FAM228A: variants seen among roughly 807,000 people sequenced by gnomAD.
FAM228A encodes the protein protein FAM228A.
FAM228A carries 13 observed loss-of-function variants against 18.6 expected under a neutral mutation model. The ratio of observed to expected loss-of-function variants is 0.70; its 90% CI spans 0.45 to 1.11. The LOEUF (loss-of-function observed/expected upper bound fraction) is 1.11, where lower values mean the gene tolerates loss of function less well. Among genes scored for constraint, FAM228A ranks in the 50% least tolerant of loss-of-function variants. The probability of loss-of-function intolerance (pLI) is 0.00; values close to 1 mark genes in which losing one functional copy is unlikely to be tolerated. For synonymous variants in FAM228A, 77 were observed against 86.6 expected (o/e 0.89, Z 0.61); for missense variants, 240 against 242.2 (o/e 0.99, Z 0.06).
At chr2:24,176,016 T>C (rs1182742905) in intron 2 of FAM228A, 1 of 993,952 alleles carries the variant, frequency 1.0e-6, no homozygotes, top group Non-Finnish European at 1.2e-6. Flanking sequence ...TTAATTTTTC[T>C]ATGTGTGTGC....
intron 5 of FAM228A, among the ~76,000 whole-genome samples, chr2:24,187,219 G>A (rs1667969999): frequency 6.6e-6 from 1 of 152,144 alleles, no homozygotes; most frequent in Non-Finnish European, 1.5e-5. Context: ...TCATAAATGT[G>A]CATCTGCTCA....
At position 24,175,563 on chromosome 2, in the gene FAM228A, C is replaced by G. The variant is rs747128968; in HGVS notation, c.83C>G (p.Ser28Cys). ...GAATGGCCGGAGCCCGAGTCCGTTT[C>G]TTTAATGGAGGTGAGATAACGTGGC... is the stretch of plus-strand genomic sequence containing the variant. ...LREWPEPESVSLMEVLAREDI... is the reference protein window; with the variant it reads ...LREWPEPESVCLMEVLAREDI... Residue 28 changes from serine (S) to cysteine (C), a missense_variant, in exon 2 of 6, where the codon TCT (serine) becomes TGT (cysteine). Coordinates refer to ENST00000295150, the MANE Select transcript of FAM228A (RefSeq NM_001040710.3). 186 of 1,613,280 alleles carry G rather than the reference C, an allele frequency of 1.2e-4. No individual in the cohort carries two copies. The highest frequency in any genetic ancestry group is 1.5e-4 in the Non-Finnish European group (181 of 1,179,286).
rs201517653 is a variant in FAM228A, at chr2:24,190,377, T to C, written c.402-35T>C. On this transcript the variant is annotated intron_variant, in intron 5 of 5. Coordinates refer to ENST00000295150, the MANE Select transcript of FAM228A (RefSeq NM_001040710.3). Reference sequence around the variant, plus strand: ...TTTGATGGTACAATTCCATCTGTGCTGAATCGAGACAATTTTTTCTGCTTT... The same window carrying C: ...TTTGATGGTACAATTCCATCTGTGCCGAATCGAGACAATTTTTTCTGCTTT... 143 of 1,564,244 alleles carry C rather than the reference T, an allele frequency of 9.1e-5. 2 individuals carry two copies. In the East Asian group the frequency reaches 3.2e-3, roughly 34 times the overall value.
chr2:24,188,677 C>A (rs1173888527), intron 5 of FAM228A: 2 of 984,038 alleles, frequency 2.0e-6, no homozygotes, highest in African/African-American at 3.5e-5. Flanking sequence ...AATGCTCCCA[C>A]AGAGGAAGGT....
At chr2:24,188,462 G>T (rs1007283003) in intron 5 of FAM228A, 14 of 985,216 alleles carry the variant, frequency 1.4e-5, no homozygotes, top group Admixed American at 6.2e-5. Context: ...TGTACTCGGG[G>T]CCTGGAGAGT....
Position 24,183,599 on chromosome 2 carries a change from T to TG in FAM228A, c.357dup (p.His120AlafsTer2). 1.2e-6 allele frequency: 2 copies of TG among 1,613,860 alleles called. No homozygotes were observed. The highest frequency in any genetic ancestry group is 1.7e-6 in the Non-Finnish European group (2 of 1,179,844). The stretch of plus-strand genomic sequence containing the variant: ...TTCACACTGTGTGATTCCAAAAGAG[T>TG]GGCATAAAGCCTCTGCAAGAGCCAG... On this transcript the variant is annotated frameshift_variant, in exon 5 of 6. Coordinates refer to ENST00000295150, the MANE Select transcript of FAM228A (RefSeq NM_001040710.3). LOFTEE classifies it low-confidence loss of function (END_TRUNC).
rs80253044 is a variant in FAM228A at position 24,178,129 on chromosome 2, C to T, written c.162+259C>T. Among the ~76,000 whole-genome samples the T allele has an allele frequency of 6.0e-3, 915 of 152,308 alleles. 5 individuals carry two copies. Among genetic ancestry groups the T allele is most frequent in the African/African-American group, 0.021 (881 of 41,562 alleles). ...AGTTGTTCCAATTGCTCCTTCTCTT[C>T]GTCCTGGTACCGAATAGAAATTCTT... On this transcript the variant is annotated intron_variant, in intron 3 of 5. Transcript: ENST00000295150.
intron 4 of FAM228A, 47 bp downstream of exon 4, chr2:24,183,419 C>G (rs749041999): frequency 6.2e-7 from 1 of 1,607,150 alleles, no homozygotes; most frequent in Admixed American, 1.7e-5. Flanking sequence ...TGCTAATTGT[C>G]CAGTGATTTC....
intron 3 of FAM228A, among the ~76,000 whole-genome samples, chr2:24,181,836 T>C (rs755065931): frequency 2.6e-5 from 4 of 152,184 alleles, no homozygotes; most frequent in African/African-American, 9.7e-5. Flanking sequence ...AAAAAAAATC[T>C]ACAAAAGCAT....
Position 24,191,120 on chromosome 2 carries a change from T to C in FAM228A, c.*489T>C, listed in dbSNP as rs1263904106. On this transcript the variant is annotated 3_prime_UTR_variant, in exon 6 of 6. Transcript: ENST00000295150. ...TAGGAATTTTCTGAGTATGGATTTC[T>C]TATCCAGAGCTCATGGTTCATTTGA... The C allele has an allele frequency of 6.1e-6, 6 of 985,786 alleles. No individual in the cohort carries two copies. The highest frequency in any genetic ancestry group is 7.2e-6 in the Non-Finnish European group (6 of 830,174). The allele number at this position is 985,786 out of a possible 1,614,324, so 61.1% of individuals were successfully genotyped here. A position where few individuals can be genotyped will look rare whatever the true frequency, so the allele number is the denominator to read the frequency against.
chr2:24,175,132 A>C lies in FAM228A; in HGVS notation c.-57A>C. Reference sequence around the variant, plus strand: ...GCGGCCTCGGGGGAGCCCTACCGGGACGGAGCCGCGGGGCCTGCGACTTCC... The same window carrying C: ...GCGGCCTCGGGGGAGCCCTACCGGGCCGGAGCCGCGGGGCCTGCGACTTCC... On this transcript the variant is annotated 5_prime_UTR_variant, in exon 1 of 6. Transcript: ENST00000295150. 8.8e-6 allele frequency: 2 copies of C among 226,324 alleles called. No homozygotes were observed. The highest frequency in any genetic ancestry group is 8.7e-6 in the Non-Finnish European group (1 of 115,262). The allele number at this position is 226,324 out of a possible 1,614,324, so 14.0% of individuals were successfully genotyped here.
chr2:24,186,373 T>G (rs1667950750), intron 5 of FAM228A, among the ~76,000 whole-genome samples: 1 of 152,178 alleles, frequency 6.6e-6, no homozygotes, highest in Non-Finnish European at 1.5e-5. Flanking sequence ...TTCTTTTCCT[T>G]ACCTTACAGT....
Position 24,175,715 on chromosome 2 carries a change from C to G in FAM228A, c.93+142C>G, listed in dbSNP as rs1667666655. The G allele has an allele frequency of 5.2e-6, 4 of 774,090 alleles. No homozygotes were observed. In the Admixed American group the frequency reaches 7.5e-5, roughly 15 times the overall value. 48.0% of individuals were successfully genotyped at this position (774,090 alleles called of 1,614,324 possible). On this transcript the variant is annotated intron_variant, in intron 2 of 5. Coordinates refer to ENST00000295150, the MANE Select transcript of FAM228A (RefSeq NM_001040710.3). ...CAGGCGTTGAAGGGGAATGTTCGGG[C>G]TCAGATTTGGCCGAGAGTGTGGCCA...
chr2:24,189,036 T>C (rs1668019536), intron 5 of FAM228A, among the ~76,000 whole-genome samples: 1 of 152,204 alleles, frequency 6.6e-6, no homozygotes, highest in Non-Finnish European at 1.5e-5. Context: ...TAAACACCAG[T>C]AATTACATAG....
At position 24,177,643 on chromosome 2, in the gene FAM228A, C is replaced by T. The variant is rs192251507; in HGVS notation, c.94-159C>T. Among the ~76,000 whole-genome samples, 343 of 152,032 alleles carry T rather than the reference C, an allele frequency of 2.3e-3. 1 individual carries two copies. Among genetic ancestry groups the T allele is most frequent in the Non-Finnish European group, 3.5e-3 (240 of 67,996 alleles). On this transcript the variant is annotated intron_variant, in intron 2 of 5. Transcript: ENST00000295150. ...GAATTAATCACTCGAGCCTGGCTGA[C>T]AAGTTCACAGAGAATGGGTTTAGAA...
intron 5 of FAM228A, among the ~76,000 whole-genome samples, chr2:24,188,141 T>C (rs953288739): frequency 2.6e-5 from 4 of 152,224 alleles, no homozygotes; most frequent in Admixed American, 2.0e-4. Flanking sequence ...CTTTTTGTCT[T>C]TCCATGTTTG....
rs1668076300 is a variant in FAM228A, at chr2:24,191,201, G to A, written c.*570G>A. The A allele has an allele frequency of 1.0e-6, 1 of 985,584 alleles. No homozygotes were observed. The highest frequency in any genetic ancestry group is 1.2e-6 in the Non-Finnish European group (1 of 830,108). 61.1% of individuals were successfully genotyped at this position (985,584 alleles called of 1,614,324 possible). ...TTCCATTCTCTCCGCCACGCCCTGTGCCCTGAGGCCTGAGGCGCAGGACCC... is the reference window on the plus strand; with the variant it reads ...TTCCATTCTCTCCGCCACGCCCTGTACCCTGAGGCCTGAGGCGCAGGACCC... On this transcript the variant is annotated 3_prime_UTR_variant, in exon 6 of 6. Coordinates refer to ENST00000295150, the MANE Select transcript of FAM228A (RefSeq NM_001040710.3).
intron 5 of FAM228A, among the ~76,000 whole-genome samples, chr2:24,184,423 C>G (rs932170777): frequency 6.6e-6 from 1 of 151,112 alleles, no homozygotes; most frequent in African/African-American, 2.4e-5. Flanking sequence ...TAAAATTCAT[C>G]TGTTGAGGGT....
chr2:24,180,291 C>CA (rs11393744), intron 3 of FAM228A, among the ~76,000 whole-genome samples: 127,284 of 132,838 alleles, frequency 0.96, 60,950 homozygotes, highest in East Asian at 0.99. Context: ...CCCGTCTGTA[C>CA]AAAAAAAAAA....
Sources: allele counts gnomAD v4.1 joint callset (sites outside exome capture counted in the v4.1 genomes callset), GRCh38; gene constraint gnomAD v4.1.1; transcripts MANE v1.5; gene names NCBI Gene and HGNC (gene_info 2026-07-23, HGNC 2026-07-21).